STON2: variants seen among roughly 807,000 people sequenced by gnomAD.
STON2 encodes the protein stonin 2, also known as stonin-2.
Under a neutral mutation model 65.7 loss-of-function variants are expected in STON2, and 29 were observed. The ratio of observed to expected loss-of-function variants is 0.44; its 90% confidence interval spans 0.33 to 0.60. The LOEUF (loss-of-function observed/expected upper bound fraction) is 0.60, where lower values mean the gene tolerates loss of function less well. STON2 is among the 20% of genes least tolerant of loss of function. The probability of loss-of-function intolerance (pLI) is 0.03; values close to 1 mark genes in which losing one functional copy is unlikely to be tolerated. For missense variants in STON2, 1,054 were observed against 1,118.1 expected, an observed-to-expected ratio of 0.94 and a Z score of 0.82; for synonymous variants, 404 against 414.2, an observed-to-expected ratio of 0.98 and a Z score of 0.30.
At chr14:81,279,773 G>A (rs551542476) in intron 5 of STON2, among the ~76,000 whole-genome samples, 4 of 152,204 alleles carry the variant, frequency 2.6e-5, no homozygotes. Context: ...GCCATAATAG[G>A]AGCACTAAGT....
At chr14:81,301,588 G>T (rs113964335) in intron 5 of STON2, among the ~76,000 whole-genome samples, 3,234 of 152,324 alleles carry the variant, frequency 0.021, 51 homozygotes, top group Non-Finnish European at 0.033. Context: ...TCAGTTGGGT[G>T]ATATACTAGC....
chr14:81,319,207 T>C (rs1439123874), intron 5 of STON2, among the ~76,000 whole-genome samples: 2 of 152,378 alleles, frequency 1.3e-5, no homozygotes, highest in African/African-American at 2.4e-5. Context: ...AGCAGCATTA[T>C]TGTAAGCAAC....
intron 3 of STON2, among the ~76,000 whole-genome samples, chr14:81,373,998 C>CATTTTTT (rs1566932851): frequency 1.1e-5 from 1 of 92,778 alleles, no homozygotes; most frequent in African/African-American, 5.2e-5. Flanking sequence ...TATAATAATG[C>CATTTTTT]CTTTTTTTTT....
chr14:81,324,218 A>G (rs1896927039), intron 4 of STON2, among the ~76,000 whole-genome samples, 31 bp from the exon 5 acceptor site: 1 of 152,170 alleles, frequency 6.6e-6, no homozygotes, highest in South Asian at 2.1e-4. Flanking sequence ...TGAAAAAAAA[A>G]TGTGCAGGTT....
chr14:81,327,484 C>T (rs1175521114), intron 4 of STON2, among the ~76,000 whole-genome samples: 1 of 152,108 alleles, frequency 6.6e-6, no homozygotes, highest in Non-Finnish European at 1.5e-5. Context: ...GATTTTCGGA[C>T]AGACTAGCTA....
chr14:81,403,376 G>C (rs374611308), upstream of STON2, among the ~76,000 whole-genome samples: 1 of 152,092 alleles, frequency 6.6e-6, no homozygotes, highest in African/African-American at 2.4e-5. Context: ...TTTATAATAT[G>C]CATGCTCATT....
At chr14:81,297,100 C>T (rs986400633) in intron 5 of STON2, among the ~76,000 whole-genome samples, 1 of 152,156 alleles carries the variant, frequency 6.6e-6, no homozygotes, top group African/African-American at 2.4e-5. Flanking sequence ...GAGTTGACTT[C>T]AGGTTTCAAG....
At chr14:81,373,110 A>T (rs1899078990) in intron 3 of STON2, among the ~76,000 whole-genome samples, 2 of 152,128 alleles carry the variant, frequency 1.3e-5, no homozygotes, top group African/African-American at 2.4e-5. Flanking sequence ...TGTCTTCCAT[A>T]CTAGAATCCA....
chr14:81,307,992 G>A (rs939817381), intron 5 of STON2, among the ~76,000 whole-genome samples: 4 of 152,114 alleles, frequency 2.6e-5, no homozygotes, highest in Non-Finnish European at 5.9e-5. Flanking sequence ...AGGGTCAACT[G>A]TATCTGATGG....
Position 81,396,265 on chromosome 14 carries a change from G to A in STON2, c.89-87C>T, listed in dbSNP as rs917705495. 2.1e-5 allele frequency: 29 copies of A among 1,366,636 alleles called. No homozygotes were observed. In the African/African-American group the frequency reaches 3.6e-4, roughly 17 times the overall value. 84.7% of individuals were successfully genotyped at this position (1,366,636 alleles called of 1,614,324 possible). A position where few individuals can be genotyped will look rare whatever the true frequency, so the allele number is the denominator to read the frequency against. ...GGAGGCAAAAACTAAGGATGACCAT[G>A]GGGTGCCCGCATGACTCGCCACTGC... On this transcript the variant is annotated intron_variant, in intron 2 of 7. Transcript: ENST00000614646.
In STON2 at chr14:81,265,442, G is replaced by T; in HGVS notation, c.*2972C>A. Reference sequence around the variant, plus strand: ...GACTGAGGCAGGCTTATCACCTGAGGTCAGACATTCGAGACCAGCCTGGCC... The same window carrying T: ...GACTGAGGCAGGCTTATCACCTGAGTTCAGACATTCGAGACCAGCCTGGCC... On this transcript the variant is annotated 3_prime_UTR_variant, in exon 8 of 8. Coordinates refer to ENST00000614646, the MANE Select transcript of STON2 (RefSeq NM_001394390.1). 1.4e-6 allele frequency: 1 copy of T among 727,222 alleles called. No individual in the cohort carries two copies. Among genetic ancestry groups the T allele is most frequent in the Non-Finnish European group, 1.7e-6 (1 of 594,762 alleles). The allele number at this position is 727,222 out of a possible 1,614,324, so 45.0% of individuals were successfully genotyped here. A position where few individuals can be genotyped will look rare whatever the true frequency, so the allele number is the denominator to read the frequency against.
At chr14:81,427,735 G>GAA (rs1902052644) in intron 1 of STON2, among the ~76,000 whole-genome samples, 2 of 151,896 alleles carry the variant, frequency 1.3e-5, no homozygotes, top group African/African-American at 4.8e-5. Context: ...AAGAGAGAGA[G>GAA]AAAAAAGTGT....
chr14:81,382,628 T>C (rs1899582789), intron 3 of STON2, among the ~76,000 whole-genome samples: 1 of 152,182 alleles, frequency 6.6e-6, no homozygotes, highest in African/African-American at 2.4e-5. Flanking sequence ...CAATATTCCA[T>C]TTATTAAACT....
At position 81,398,428 on chromosome 14, in the gene STON2, C is replaced by T; in HGVS notation, c.-46G>A. ...CTTCACACTGCTGACCTCAGGTGAA[C>T]CCCAGAATACTGTCTGGGGTGGGCT... On this transcript the variant is annotated 5_prime_UTR_variant, in exon 2 of 8. Transcript: ENST00000614646. 2 of 1,486,082 alleles carry T rather than the reference C, an allele frequency of 1.3e-6. No homozygotes were observed. Among genetic ancestry groups the T allele is most frequent in the Non-Finnish European group, 1.9e-6 (2 of 1,064,232 alleles). The allele number at this position is 1,486,082 out of a possible 1,614,324, so 92.1% of individuals were successfully genotyped here.
intron 3 of STON2, among the ~76,000 whole-genome samples, chr14:81,393,270 G>A (rs1330094407): frequency 6.6e-6 from 1 of 152,194 alleles, no homozygotes; most frequent in East Asian, 1.9e-4. Context: ...AATCTGAATG[G>A]CATGAATATA....
intron 3 of STON2, among the ~76,000 whole-genome samples, chr14:81,381,379 G>C (rs1480579509): frequency 1.3e-5 from 2 of 151,996 alleles, no homozygotes; most frequent in African/African-American, 4.8e-5. Flanking sequence ...TTTGCCAAAA[G>C]ACATAAGGAG....
At chr14:81,391,563 T>G (rs1900079272) in intron 3 of STON2, among the ~76,000 whole-genome samples, 1 of 152,256 alleles carries the variant, frequency 6.6e-6, no homozygotes, top group Admixed American at 6.5e-5. Context: ...AATTAGCTTA[T>G]GTGGGAGAGG....
intron 4 of STON2, among the ~76,000 whole-genome samples, chr14:81,354,439 C>T (rs562694000): frequency 6.6e-6 from 1 of 152,040 alleles, no homozygotes; most frequent in African/African-American, 2.4e-5. Flanking sequence ...ACGCAGATAT[C>T]GATGCAAGAA....
At chr14:81,387,437 T>C (rs1899867185) in intron 3 of STON2, among the ~76,000 whole-genome samples, 1 of 152,176 alleles carries the variant, frequency 6.6e-6, no homozygotes, top group Non-Finnish European at 1.5e-5. Context: ...CAAAGAGGTA[T>C]GAATCCCTCA....
Sources: gnomAD v4.1 joint callset for allele counts (sites outside exome capture counted in the v4.1 genomes callset) on GRCh38, gnomAD v4.1.1 for gene constraint, MANE v1.5 for transcripts, NCBI Gene and HGNC (gene_info 2026-07-23, HGNC 2026-07-21) for gene names.